C6: variants seen among roughly 807,000 people sequenced by gnomAD.
C6 encodes the protein complement C6.
Under a neutral mutation model 112.9 loss-of-function variants are expected in C6, and 101 were observed. The ratio of observed to expected loss-of-function variants is 0.89; its 90% CI spans 0.76 to 1.06. The LOEUF (loss-of-function observed/expected upper bound fraction) is 1.06, where lower values mean the gene tolerates loss of function less well. Ranked by LOEUF, C6 falls within the 50% of genes least tolerant of loss-of-function variation. C6 has a pLI of 0.00. For synonymous variants in C6, 431 were observed against 384.1 expected (o/e 1.12, Z -1.43); for missense variants, 1,202 against 1,104.6 (o/e 1.09, Z -1.25).
chr5:41,238,768 G>T (rs2150422532), intron 1 of C6, among the ~76,000 whole-genome samples: 1 of 152,300 alleles, frequency 6.6e-6, no homozygotes, highest in Admixed American at 6.5e-5. Context: ...GAAGGGCATA[G>T]ATATTAGTAA....
At chr5:41,190,870 A>C (rs1269925056) in intron 5 of C6, among the ~76,000 whole-genome samples, 1 of 152,054 alleles carries the variant, frequency 6.6e-6, no homozygotes, top group Non-Finnish European at 1.5e-5. Context: ...TTGTTTCCCC[A>C]GTGCATGATC....
intron 7 of C6, among the ~76,000 whole-genome samples, chr5:41,181,089 A>G (rs1048736469): frequency 1.3e-5 from 2 of 152,040 alleles, no homozygotes; most frequent in African/African-American, 4.8e-5. Flanking sequence ...TATGGAGTTT[A>G]TAAGAAGCAC....
intron 1 of C6, among the ~76,000 whole-genome samples, chr5:41,248,460 C>A (rs535672286): frequency 5.3e-5 from 8 of 152,262 alleles, no homozygotes; most frequent in Admixed American, 3.3e-4. Context: ...CCATTAGGAA[C>A]TTAAACAATT....
intron 1 of C6, among the ~76,000 whole-genome samples, chr5:41,206,014 C>T (rs961870165): frequency 2.0e-5 from 3 of 152,144 alleles, no homozygotes; most frequent in African/African-American, 4.8e-5. Flanking sequence ...CCCTCTGAGA[C>T]GAAGCTTCCA....
chr5:41,254,071 G>A (rs1741527825), intron 1 of C6, among the ~76,000 whole-genome samples: 1 of 152,142 alleles, frequency 6.6e-6, no homozygotes, highest in South Asian at 2.1e-4. Context: ...GTTCCTGACT[G>A]CAATATATAT....
chr5:41,260,781 A>G (rs1580269374), intron 1 of C6, among the ~76,000 whole-genome samples: 1 of 152,124 alleles, frequency 6.6e-6, no homozygotes, highest in South Asian at 2.1e-4. Context: ...ATCTCAAAAA[A>G]AAAAACAAAA....
intron 4 of C6, among the ~76,000 whole-genome samples, chr5:41,198,774 G>T (rs569272127): frequency 6.6e-6 from 1 of 152,084 alleles, no homozygotes; most frequent in Non-Finnish European, 1.5e-5. Flanking sequence ...CTGAATAAGA[G>T]TCTTTTTTGC....
At chr5:41,155,482 G>A (rs1287618988) in intron 13 of C6, among the ~76,000 whole-genome samples, 1 of 152,058 alleles carries the variant, frequency 6.6e-6, no homozygotes, top group Non-Finnish European at 1.5e-5. Flanking sequence ...GAGTTCAGGA[G>A]TTCGAGACCA....
At position 41,181,467 on chromosome 5, in the gene C6, A is replaced by C; in HGVS notation, c.819T>G (p.Ser273Arg). The change falls in exon 7 of 18, where the codon AGT becomes AGG. Residue 273 changes from serine (S) to arginine (R), a missense_variant. Coordinates refer to ENST00000337836, the MANE Select transcript of C6 (RefSeq NM_000065.5). The part of the protein sequence containing the change: ...HNENQQGSFS[S>R]QGGSSFSVPI... Reference sequence around the variant, plus strand: ...GTACACTGAAAGAGCTCCCCCCCTGACTTGAGAATGAGCCTTGTTGATTTT... The same window carrying C: ...GTACACTGAAAGAGCTCCCCCCCTGCCTTGAGAATGAGCCTTGTTGATTTT... 1 of 1,613,838 alleles carries C rather than the reference A, an allele frequency of 6.2e-7. No individual in the cohort carries two copies. Among genetic ancestry groups the C allele is most frequent in the Non-Finnish European group, 8.5e-7 (1 of 1,179,828 alleles).
At chr5:41,167,472 C>T (rs6886587) in intron 9 of C6, among the ~76,000 whole-genome samples, 3,314 of 152,134 alleles carry the variant, frequency 0.022, 128 homozygotes, top group African/African-American at 0.075. Flanking sequence ...AAAATATAGA[C>T]TTGATGGATT....
chr5:41,223,138 T>G (rs1739280555), intron 1 of C6, among the ~76,000 whole-genome samples: 1 of 152,180 alleles, frequency 6.6e-6, no homozygotes, highest in Admixed American at 6.6e-5. Context: ...AACAAAAGCT[T>G]GGTTTCTATG....
chr5:41,216,780 G>T (rs1752208992), upstream of C6, among the ~76,000 whole-genome samples: 1 of 152,008 alleles, frequency 6.6e-6, no homozygotes, highest in South Asian at 2.1e-4. Flanking sequence ...TGGTCTCTGA[G>T]CTTTAGAACT....
intron 1 of C6, among the ~76,000 whole-genome samples, chr5:41,208,553 CACAGAA>C (rs1352152336): frequency 6.6e-6 from 1 of 152,116 alleles, no homozygotes; most frequent in Non-Finnish European, 1.5e-5. Flanking sequence ...CCACCGATCC[CACAGAA>C]ATACAAACTA....
At chr5:41,216,309 C>A (rs193267363), upstream of C6, among the ~76,000 whole-genome samples, 1 of 152,246 alleles carries the variant, frequency 6.6e-6, no homozygotes, top group African/African-American at 2.4e-5. Flanking sequence ...ACTGAATGAC[C>A]TCTTCTAAAT....
chr5:41,255,225 G>A (rs547284391), intron 1 of C6, among the ~76,000 whole-genome samples: 35 of 152,140 alleles, frequency 2.3e-4, no homozygotes, highest in African/African-American at 8.2e-4. Context: ...GGCGGGCATG[G>A]TGGTGGGTGC....
chr5:41,149,057 C>T (rs1746121283), intron 17 of C6, among the ~76,000 whole-genome samples, 184 bp downstream of exon 17: 1 of 152,188 alleles, frequency 6.6e-6, no homozygotes, highest in African/African-American at 2.4e-5. Flanking sequence ...CACATTACTA[C>T]AGTAGTTATT....
chr5:41,186,751 C>T (rs1749800314), intron 5 of C6, among the ~76,000 whole-genome samples: 1 of 151,894 alleles, frequency 6.6e-6, no homozygotes, highest in African/African-American at 2.4e-5. Flanking sequence ...AAGTGCTTTA[C>T]AAATATTAAC....
At chr5:41,164,592 G>A (rs1237217037) in intron 9 of C6, among the ~76,000 whole-genome samples, 1 of 152,182 alleles carries the variant, frequency 6.6e-6, no homozygotes, top group Non-Finnish European at 1.5e-5. Context: ...AGGTTTTGAG[G>A]TGGGGATTTA....
chr5:41,229,157 AT>A (rs138841429), intron 1 of C6, among the ~76,000 whole-genome samples: 8,747 of 151,378 alleles, frequency 0.058, 334 homozygotes, highest in African/African-American at 0.1. Context: ...GATCATGTTA[AT>A]TTTTTTTCTA....
Sources: allele counts gnomAD v4.1 joint callset (sites outside exome capture counted in the v4.1 genomes callset), GRCh38; gene constraint gnomAD v4.1.1; transcripts MANE v1.5; gene names NCBI Gene and HGNC (gene_info 2026-07-23, HGNC 2026-07-21).